SCN2A: variants seen among roughly 807,000 people sequenced by gnomAD.
The protein encoded by SCN2A is sodium voltage-gated channel alpha subunit 2, also known as sodium channel protein type 2 subunit alpha.
A neutral mutation model predicts 188.7 loss-of-function variants in SCN2A; 20 were observed. The observed-to-expected ratio is 0.11, with a 90% confidence interval of 0.07 to 0.15. The LOEUF is 0.15. Ranked by LOEUF, SCN2A falls within the 10% of genes least tolerant of loss-of-function variation. SCN2A has a pLI of 1.00. For synonymous variants in SCN2A, 804 were observed against 833.1 expected (o/e 0.97, Z 0.60); for missense variants, 1,278 against 2,445.0 (o/e 0.52, Z 10.07).
At chr2:165,291,752 A>G (rs1242887758) in intron 1 of SCN2A, among the ~76,000 whole-genome samples, 1 of 150,930 alleles carries the variant, frequency 6.6e-6, no homozygotes, top group Non-Finnish European at 1.5e-5. Context: ...CCCAGCTCCA[A>G]CTCCACTTTT....
At chr2:165,356,517 G>A (rs1471661944) in intron 17 of SCN2A, among the ~76,000 whole-genome samples, 1 of 152,034 alleles carries the variant, frequency 6.6e-6, no homozygotes, top group African/African-American at 2.4e-5. Context: ...TCATTATTTT[G>A]AAATTATGCC....
intron 13 of SCN2A, among the ~76,000 whole-genome samples, chr2:165,328,986 CTTTTTT>C (rs1269103949): frequency 6.7e-5 from 6 of 89,390 alleles, no homozygotes; most frequent in African/African-American, 2.2e-4. Context: ...TAAGATAGTC[CTTTTTT>C]TTTTTTTTTT....
chr2:165,280,562 C>T (rs1430785745), intron 1 of SCN2A, among the ~76,000 whole-genome samples: 3 of 152,128 alleles, frequency 2.0e-5, no homozygotes, highest in Admixed American at 6.5e-5. Flanking sequence ...GGTGAGTTTA[C>T]GTGCCCCCAC....
At chr2:165,239,871 C>T (rs1693541545) in intron 1 of SCN2A, 2 of 152,746 alleles carry the variant, frequency 1.3e-5, no homozygotes, top group South Asian at 2.1e-4. Context: ...GTCTCTGTCT[C>T]TGGCTGTATT....
At chr2:165,322,767 G>A (rs1252062361) in intron 11 of SCN2A, among the ~76,000 whole-genome samples, 1 of 152,174 alleles carries the variant, frequency 6.6e-6, no homozygotes, top group Non-Finnish European at 1.5e-5. Flanking sequence ...GTAGATTTGT[G>A]TTTAATTGTT....
At chr2:165,279,952 G>A (rs1421840424) in intron 1 of SCN2A, among the ~76,000 whole-genome samples, 1 of 152,094 alleles carries the variant, frequency 6.6e-6, no homozygotes, top group African/African-American at 2.4e-5. Flanking sequence ...TTCCGTGCAC[G>A]AGCCCTTTTT....
chr2:165,368,054 A>G (rs997381751), intron 19 of SCN2A, among the ~76,000 whole-genome samples: 1 of 152,188 alleles, frequency 6.6e-6, no homozygotes. Flanking sequence ...TCCGGCGTCC[A>G]GGAGGAATGA....
At chr2:165,268,734 AGAT>A (rs1255161157) in intron 1 of SCN2A, 2 of 151,794 alleles carry the variant, frequency 1.3e-5, no homozygotes, top group East Asian at 3.9e-4. Flanking sequence ...TCTTATCTGT[AGAT>A]GAGGAACGGA....
chr2:165,323,059 T>C, intron 11 of SCN2A, 97 bp from the exon 12 acceptor site: 1 of 1,167,082 alleles, frequency 8.6e-7, no homozygotes, highest in South Asian at 1.4e-5. Flanking sequence ...CTTGAGTAAG[T>C]CAATGACTAT....
At chr2:165,249,904 T>C (rs1694013018) in intron 1 of SCN2A, among the ~76,000 whole-genome samples, 1 of 152,070 alleles carries the variant, frequency 6.6e-6, no homozygotes, top group South Asian at 2.1e-4. Flanking sequence ...CTGCCCTCCA[T>C]AGATTCCAGG....
chr2:165,373,058 CAA>C (rs1363364400), intron 20 of SCN2A, 165 bp from the exon 21 acceptor site: 1 of 678,776 alleles, frequency 1.5e-6, no homozygotes, highest in Non-Finnish European at 2.5e-6. Context: ...GGCCTTTCCC[CAA>C]ACTTACTAAG....
At chr2:165,265,502 TA>T (rs1574466253) in intron 1 of SCN2A, among the ~76,000 whole-genome samples, 8 of 128,498 alleles carry the variant, frequency 6.2e-5, no homozygotes, top group African/African-American at 1.7e-4. Context: ...TATATATATA[TA>T]TATATATATA....
At chr2:165,387,600 G>T (rs1219549834) in intron 26 of SCN2A, among the ~76,000 whole-genome samples, 1 of 151,830 alleles carries the variant, frequency 6.6e-6, no homozygotes, top group African/African-American at 2.4e-5. Flanking sequence ...ATTAATGTTA[G>T]GATACATACA....
At chr2:165,365,915 T>C (rs1237334085) in intron 18 of SCN2A, among the ~76,000 whole-genome samples, 1 of 152,146 alleles carries the variant, frequency 6.6e-6, no homozygotes, top group Non-Finnish European at 1.5e-5. Flanking sequence ...ATGGATCAGT[T>C]ATATATTGTA....
At chr2:165,256,945 A>G (rs1287711261) in intron 1 of SCN2A, among the ~76,000 whole-genome samples, 1 of 152,220 alleles carries the variant, frequency 6.6e-6, no homozygotes, top group Non-Finnish European at 1.5e-5. Context: ...CTTTGTTTTA[A>G]CAGTTACTAG....
intron 13 of SCN2A, 161 bp downstream of exon 13, chr2:165,327,145 T>A: frequency 1.1e-6 from 1 of 883,174 alleles, no homozygotes; most frequent in Non-Finnish European, 1.7e-6. Flanking sequence ...GATTCTATTA[T>A]CTTCCACAGA....
At chr2:165,328,569 C>T in intron 13 of SCN2A, 2 of 897,780 alleles carry the variant, frequency 2.2e-6, no homozygotes, top group Non-Finnish European at 2.7e-6. Flanking sequence ...ATGCTTTGCA[C>T]TTCTGATAGC....
chr2:165,364,931 C>A (rs1700644598), intron 17 of SCN2A, among the ~76,000 whole-genome samples: 1 of 151,930 alleles, frequency 6.6e-6, no homozygotes, highest in Admixed American at 6.6e-5. Context: ...CCGTTGTTAG[C>A]ACCATATTTT....
chr2:165,345,598 G>A (rs1287697174), intron 16 of SCN2A, among the ~76,000 whole-genome samples: 2 of 135,680 alleles, frequency 1.5e-5, no homozygotes, highest in African/African-American at 5.5e-5. Context: ...CGTTTTTTTT[G>A]TGCCTATGTG....
Sources: gnomAD v4.1 joint callset for allele counts (sites outside exome capture counted in the v4.1 genomes callset) on GRCh38, gnomAD v4.1.1 for gene constraint, MANE v1.5 for transcripts, NCBI Gene and HGNC (gene_info 2026-07-23, HGNC 2026-07-21) for gene names.